Variants in LIFR observed in about 807,000 individuals in gnomAD.
The protein encoded by LIFR is leukemia inhibitory factor receptor.
A neutral mutation model predicts 122.2 loss-of-function variants in LIFR; 84 were observed. The observed-to-expected ratio is 0.69, with a 90% CI of 0.58 to 0.82. The LOEUF (loss-of-function observed/expected upper bound fraction) is 0.82. Among genes scored for constraint, LIFR ranks in the 40% least tolerant of loss-of-function variants. The pLI, the probability that LIFR is intolerant of heterozygous loss-of-function variation, is 0.00. For missense variants in LIFR, 1,294 were observed against 1,311.6 expected, an observed-to-expected ratio of 0.99 and a Z score of 0.21; for synonymous variants, 422 against 434.7, an observed-to-expected ratio of 0.97 and a Z score of 0.36.
chr5:38,514,846 A>G (rs147575341), intron 5 of LIFR, among the ~76,000 whole-genome samples: 1 of 152,342 alleles, frequency 6.6e-6, no homozygotes, highest in Non-Finnish European at 1.5e-5. Context: ...GTTACAAATA[A>G]TCTAAAGAGG....
At chr5:38,495,818 T>C (rs904590314) in intron 13 of LIFR, among the ~76,000 whole-genome samples, 1 of 152,170 alleles carries the variant, frequency 6.6e-6, no homozygotes, top group African/African-American at 2.4e-5. Flanking sequence ...TCTGTAAAAT[T>C]TAAAGAAAGG....
intron 9 of LIFR, 71 bp from the exon 10 acceptor site, chr5:38,504,192 G>T: frequency 9.0e-7 from 1 of 1,107,920 alleles, no homozygotes. Flanking sequence ...TGACAAATGA[G>T]AAGAAAACAT....
chr5:38,589,880 C>A (rs1749868206), intron 1 of LIFR, among the ~76,000 whole-genome samples: 1 of 152,066 alleles, frequency 6.6e-6, no homozygotes, highest in Non-Finnish European at 1.5e-5. Context: ...ATTGTGAGGG[C>A]AGGGTGTGGC....
At chr5:38,521,267 T>C (rs755778454) in intron 5 of LIFR, among the ~76,000 whole-genome samples, 22 of 152,330 alleles carry the variant, frequency 1.4e-4, no homozygotes, top group Non-Finnish European at 2.5e-4. Context: ...TTTTTCTATA[T>C]TGATTTTACC....
At position 38,481,513 on chromosome 5, in the gene LIFR, C is replaced by T. The variant is rs561532221; in HGVS notation, c.*82G>A. On this transcript the variant is annotated 3_prime_UTR_variant, in exon 20 of 20. Transcript: ENST00000453190. ...CCTAACAATACTTCACAGGATCCCTCCAAGAATGCCCAGTGCTGATGTAGC... is the reference window on the plus strand; with the variant it reads ...CCTAACAATACTTCACAGGATCCCTTCAAGAATGCCCAGTGCTGATGTAGC... The T allele has an allele frequency of 2.8e-6, 4 of 1,417,214 alleles. No individual in the cohort carries two copies. In the African/African-American group the frequency reaches 4.2e-5, roughly 15 times the overall value. 87.8% of individuals were successfully genotyped at this position (1,417,214 alleles called of 1,614,324 possible).
intron 13 of LIFR, among the ~76,000 whole-genome samples, chr5:38,494,432 G>A (rs886391861): frequency 4.0e-5 from 6 of 149,510 alleles, no homozygotes; most frequent in Non-Finnish European, 5.9e-5. Flanking sequence ...TCTGCACAGC[G>A]TCCTAGGAGA....
chr5:38,485,702 C>A (rs531247159), intron 17 of LIFR, 117 bp downstream of exon 17: 18 of 1,185,370 alleles, frequency 1.5e-5, no homozygotes, highest in Non-Finnish European at 2.2e-5. Context: ...CCAAAAACTG[C>A]AACAAAATGT....
chr5:38,523,407 G>A lies in LIFR; in HGVS notation c.561+12C>T. 1 of 1,602,874 alleles carries A rather than the reference G, an allele frequency of 6.2e-7. No homozygotes were observed. Among genetic ancestry groups the A allele is most frequent in the Admixed American group, 1.7e-5 (1 of 58,566 alleles). ...TTAATGTCATAGGAAGAAAATCTAT[G>A]TTCAAACTTACTAATTTTACGAGCT... is the stretch of plus-strand genomic sequence containing the variant. On this transcript the variant is annotated intron_variant, in intron 5 of 19. Transcript: ENST00000453190.
chr5:38,497,607 G>A (rs909019084), intron 12 of LIFR, among the ~76,000 whole-genome samples: 1 of 151,884 alleles, frequency 6.6e-6, no homozygotes, highest in Non-Finnish European at 1.5e-5. Context: ...AGAAAATTTG[G>A]AAAATATATA....
intron 1 of LIFR, among the ~76,000 whole-genome samples, chr5:38,568,089 C>T (rs1749087507): frequency 1.3e-5 from 2 of 152,244 alleles, no homozygotes; most frequent in African/African-American, 4.8e-5. Context: ...AAATTATGTG[C>T]CTGACCAGGG....
At chr5:38,545,034 C>G (rs1163407388) in intron 1 of LIFR, among the ~76,000 whole-genome samples, 3 of 152,298 alleles carry the variant, frequency 2.0e-5, no homozygotes, top group African/African-American at 7.2e-5. Context: ...CTTTGGGAGG[C>G]TGAAGCCTGT....
intron 1 of LIFR, among the ~76,000 whole-genome samples, chr5:38,536,888 G>A (rs1031522814): frequency 3.3e-5 from 5 of 152,154 alleles, no homozygotes; most frequent in Non-Finnish European, 5.9e-5. Flanking sequence ...ATCTATCACT[G>A]TGCATAATGC....
intron 1 of LIFR, among the ~76,000 whole-genome samples, chr5:38,590,800 A>T (rs547542168): frequency 6.6e-6 from 1 of 152,342 alleles, no homozygotes; most frequent in Non-Finnish European, 1.5e-5. Flanking sequence ...CAGAAACATT[A>T]CTTGTCCAAG....
At chr5:38,588,401 A>T (rs1436103925) in intron 1 of LIFR, among the ~76,000 whole-genome samples, 4 of 152,224 alleles carry the variant, frequency 2.6e-5, no homozygotes, top group African/African-American at 7.2e-5. Flanking sequence ...TGTATGCAGG[A>T]TGATGAGACT....
In LIFR at chr5:38,475,998, C is replaced by G. The variant is rs1743704119; in HGVS notation, c.*5597G>C. The G allele has an allele frequency of 5.0e-6, 1 of 199,414 alleles. No homozygotes were observed. The allele number at this position is 199,414 out of a possible 1,614,324, so 12.4% of individuals were successfully genotyped here. ...AACAAACGCCAGGAAGGGCATCAAT[C>G]ACATAACACCTACCCCTCCACAACA... is the stretch of plus-strand genomic sequence containing the variant. On this transcript the variant is annotated 3_prime_UTR_variant, in exon 20 of 20. Transcript: ENST00000453190.
intron 1 of LIFR, among the ~76,000 whole-genome samples, chr5:38,543,730 T>TGAA (rs1747717893): frequency 6.6e-6 from 1 of 152,174 alleles, no homozygotes; most frequent in Non-Finnish European, 1.5e-5. Context: ...TCCAGCCCAC[T>TGAA]TCTCTCTTTC....
chr5:38,597,549 G>A (rs1750131497), upstream of LIFR, among the ~76,000 whole-genome samples: 1 of 152,210 alleles, frequency 6.6e-6, no homozygotes, highest in South Asian at 2.1e-4. Flanking sequence ...TGCTGGCAAT[G>A]TCTGAAGACA....
At chr5:38,515,671 G>A (rs918323591) in intron 5 of LIFR, among the ~76,000 whole-genome samples, 9 of 152,022 alleles carry the variant, frequency 5.9e-5, no homozygotes, top group Non-Finnish European at 1.0e-4. Context: ...TTGCTATCAA[G>A]AAATAGCAAC....
chr5:38,603,406 G>A (rs1750260121), intron 2 of LIFR, among the ~76,000 whole-genome samples: 1 of 152,210 alleles, frequency 6.6e-6, no homozygotes, highest in East Asian at 1.9e-4. Context: ...CTTGAAATGA[G>A]AATCTGTGGT....
Sources: gnomAD v4.1 joint callset for allele counts (sites outside exome capture counted in the v4.1 genomes callset) on GRCh38, gnomAD v4.1.1 for gene constraint, MANE v1.5 for transcripts, NCBI Gene and HGNC (gene_info 2026-07-23, HGNC 2026-07-21) for gene names.